Variants in RBM33 observed in about 807,000 individuals in gnomAD.
RBM33 encodes the protein RNA-binding protein 33.
Under a neutral mutation model 132.6 loss-of-function variants are expected in RBM33, and 28 were observed. The observed-to-expected ratio is 0.21, with a 90% CI of 0.16 to 0.29. The LOEUF (loss-of-function observed/expected upper bound fraction) is 0.29. Ranked by LOEUF, RBM33 falls within the 10% of genes least tolerant of loss-of-function variation. The pLI, the probability that RBM33 is intolerant of heterozygous loss-of-function variation, is 1.00. For synonymous variants in RBM33, 634 were observed against 593.0 expected (o/e 1.07, Z -1.01); for missense variants, 1,291 against 1,518.5 (o/e 0.85, Z 2.49).
At chr7:155,644,991 C>T (rs1381400289) in intron 1 of RBM33, 72 bp downstream of exon 1, 20 of 1,231,642 alleles carry the variant, frequency 1.6e-5, no homozygotes, top group Non-Finnish European at 2.1e-5. Context: ...CGGGGGGCCT[C>T]CCCGCTTAGG....
intron 6 of RBM33, among the ~76,000 whole-genome samples, chr7:155,704,969 AAGTC>A (rs1297083894): frequency 1.3e-5 from 2 of 152,218 alleles, no homozygotes; most frequent in African/African-American, 4.8e-5. Flanking sequence ...TTTTAAAAAA[AAGTC>A]AGACTGTCAT....
At chr7:155,764,941 G>C (rs1223434440) in intron 15 of RBM33, among the ~76,000 whole-genome samples, 1 of 152,218 alleles carries the variant, frequency 6.6e-6, no homozygotes, top group African/African-American at 2.4e-5. Flanking sequence ...TTTTGTACTA[G>C]AAAACAGATG....
intron 1 of RBM33, among the ~76,000 whole-genome samples, chr7:155,656,750 A>C (rs985893873): frequency 6.6e-6 from 1 of 152,232 alleles, no homozygotes; most frequent in Admixed American, 6.5e-5. Context: ...TTGCATTAAC[A>C]TGTAATACTG....
At chr7:155,648,935 C>A (rs1798276378) in intron 1 of RBM33, among the ~76,000 whole-genome samples, 2 of 152,108 alleles carry the variant, frequency 1.3e-5, no homozygotes, top group Admixed American at 1.3e-4. Context: ...ATTCAAGATT[C>A]TCTTTGTCTT....
At chr7:155,665,753 A>G (rs948835098) in intron 2 of RBM33, among the ~76,000 whole-genome samples, 1 of 152,316 alleles carries the variant, frequency 6.6e-6, no homozygotes, top group Admixed American at 6.5e-5. Flanking sequence ...CAATTTAAAA[A>G]TCCACAGTGA....
chr7:155,763,247 G>A (rs749834071), intron 14 of RBM33, among the ~76,000 whole-genome samples: 2 of 152,198 alleles, frequency 1.3e-5, no homozygotes, highest in Admixed American at 6.5e-5. Context: ...GATGCTCTTC[G>A]GCGCTTCAGA....
chr7:155,748,877 G>T (rs140572267), intron 14 of RBM33, among the ~76,000 whole-genome samples: 33 of 152,262 alleles, frequency 2.2e-4, no homozygotes, highest in Middle Eastern at 3.4e-3. Context: ...GTTGACTAGG[G>T]TCAACGTCTT....
Position 155,711,290 on chromosome 7 carries a change from C to A in RBM33, c.1036C>A (p.Pro346Thr). The A allele has an allele frequency of 4.4e-6, 7 of 1,606,942 alleles. No individual in the cohort carries two copies. Among genetic ancestry groups the A allele is most frequent in the Non-Finnish European group, 5.9e-6 (7 of 1,176,960 alleles). ...FQPQPLQPLL[P>T]VQHPHHPSPP... ...GCCGCAGCCGCTGCAGCCGCTGCTT[C>A]CGGTGCAGCACCCGCACCACCCATC... Residue 346 changes from proline (P) to threonine (T), a missense_variant, in exon 8 of 18, where the codon CCG becomes ACG. Pro to Thr is a conservative substitution (Grantham distance 38). Around this residue, in one of 7 missense-constraint regions of RBM33, gnomAD observed 146 missense variants for 137.1 expected, o/e 1.07. Coordinates refer to ENST00000401878, the MANE Select transcript of RBM33 (RefSeq NM_053043.3).
intron 8 of RBM33, 127 bp from the exon 9 acceptor site, chr7:155,718,258 C>T (rs1800522366): frequency 1.5e-5 from 10 of 655,692 alleles, no homozygotes; most frequent in Non-Finnish European, 1.9e-5. Flanking sequence ...TTAGCTTAAG[C>T]GTAAGCACAA....
At chr7:155,694,041 G>T (rs916131893) in intron 5 of RBM33, among the ~76,000 whole-genome samples, 2 of 152,080 alleles carry the variant, frequency 1.3e-5, no homozygotes, top group African/African-American at 4.8e-5. Flanking sequence ...CTGTGTTGCC[G>T]CACGCTTTGG....
chr7:155,730,003 C>T (rs950517498), intron 9 of RBM33, among the ~76,000 whole-genome samples: 6 of 152,220 alleles, frequency 3.9e-5, no homozygotes, highest in Non-Finnish European at 8.8e-5. Flanking sequence ...GCTGGTTTTA[C>T]AGCATGCCGC....
At chr7:155,708,687 A>G (rs1455231701) in intron 7 of RBM33, among the ~76,000 whole-genome samples, 15 of 152,204 alleles carry the variant, frequency 9.9e-5, no homozygotes, top group Non-Finnish European at 2.2e-4. Flanking sequence ...TACTAGGAGT[A>G]AACTAGACAG....
chr7:155,765,197 A>G (rs1802173029), intron 15 of RBM33, among the ~76,000 whole-genome samples: 1 of 152,224 alleles, frequency 6.6e-6, no homozygotes, highest in Admixed American at 6.5e-5. Flanking sequence ...ATCTTATAAG[A>G]AGATGCATTT....
At chr7:155,708,008 T>A (rs1313433986) in intron 7 of RBM33, among the ~76,000 whole-genome samples, 1 of 152,222 alleles carries the variant, frequency 6.6e-6, no homozygotes, top group Admixed American at 6.5e-5. Flanking sequence ...TACTTAGAAG[T>A]CAGTCTTCAA....
Position 155,777,469 on chromosome 7 carries a change from TGAAG to T in RBM33, c.*2432_*2435del, listed in dbSNP as rs1183891930. ...CCCAGTAATGAAGGTTTAGTTTCCT[TGAAG>T]GAAACTACAGAAAAGGAAAGAAGCA... is the stretch of plus-strand genomic sequence containing the variant. On this transcript the variant is annotated 3_prime_UTR_variant, in exon 18 of 18. Coordinates refer to ENST00000401878, the MANE Select transcript of RBM33 (RefSeq NM_053043.3). 1 of 152,188 alleles carries T rather than the reference TGAAG, an allele frequency of 6.6e-6. No individual in the cohort carries two copies. Among genetic ancestry groups the T allele is most frequent in the Non-Finnish European group, 1.5e-5 (1 of 68,034 alleles). The allele number at this position is 152,188 out of a possible 1,614,324, so 9.4% of individuals were successfully genotyped here.
At chr7:155,716,945 A>G (rs1418407290) in intron 8 of RBM33, among the ~76,000 whole-genome samples, 2 of 152,138 alleles carry the variant, frequency 1.3e-5, no homozygotes, top group Non-Finnish European at 2.9e-5. Context: ...GACACAGGCC[A>G]TGTATGCTAT....
intron 3 of RBM33, among the ~76,000 whole-genome samples, chr7:155,676,625 G>T (rs1471428702): frequency 2.0e-5 from 3 of 152,182 alleles, no homozygotes; most frequent in South Asian, 4.1e-4. Context: ...ACTAGCATCT[G>T]TGGCCACTTT....
intron 14 of RBM33, among the ~76,000 whole-genome samples, chr7:155,753,531 T>C (rs1801751387): frequency 6.6e-6 from 1 of 152,080 alleles, no homozygotes; most frequent in South Asian, 2.1e-4. Context: ...TGGCAGCGCC[T>C]GGGAGTGGAT....
chr7:155,659,683 G>A (rs928699937), intron 1 of RBM33, among the ~76,000 whole-genome samples: 48 of 152,096 alleles, frequency 3.2e-4, no homozygotes, highest in Admixed American at 3.1e-3. Flanking sequence ...AATAATGGCT[G>A]AAAATTGCCA....
Sources: allele counts gnomAD v4.1 joint callset (sites outside exome capture counted in the v4.1 genomes callset), GRCh38; gene constraint gnomAD v4.1.1; regional missense constraint gnomAD v4.1.1; transcripts MANE v1.5; gene names NCBI Gene and HGNC (gene_info 2026-07-23, HGNC 2026-07-21).